Variants in C1QTNF7 observed in about 807,000 individuals in gnomAD.
The protein encoded by C1QTNF7 is C1q and TNF related 7, also known as complement C1q tumor necrosis factor-related protein 7.
In C1QTNF7, 15 loss-of-function variants were observed where a neutral mutation model predicts 19.6. The observed-to-expected ratio is 0.76, with a 90% CI of 0.51 to 1.18. The LOEUF (loss-of-function observed/expected upper bound fraction) is 1.18, where lower values mean the gene tolerates loss of function less well. Ranked by LOEUF, C1QTNF7 falls within the 50% of genes most tolerant of loss-of-function variation. The pLI, the probability that C1QTNF7 is intolerant of heterozygous loss-of-function variation, is 0.00. For synonymous variants in C1QTNF7, 142 were observed against 137.5 expected (o/e 1.03, Z -0.23); for missense variants, 324 against 359.7 (o/e 0.90, Z 0.80).
At chr4:15,364,854 C>T (rs554142599) in intron 1 of C1QTNF7, among the ~76,000 whole-genome samples, 208 of 152,208 alleles carry the variant, frequency 1.4e-3, no homozygotes, top group African/African-American at 4.6e-3. Flanking sequence ...GTTATAAATA[C>T]GTTGGGTTTG....
intron 1 of C1QTNF7, among the ~76,000 whole-genome samples, chr4:15,353,829 T>C (rs946609190): frequency 6.6e-6 from 1 of 151,264 alleles, no homozygotes; most frequent in Non-Finnish European, 1.5e-5. Context: ...AGGTGGAAAA[T>C]GAGGCTGAAA....
At chr4:15,405,736 G>A (rs1340450363) in intron 1 of C1QTNF7, among the ~76,000 whole-genome samples, 1 of 152,030 alleles carries the variant, frequency 6.6e-6, no homozygotes, top group African/African-American at 2.4e-5. Context: ...GTCCCTCTCC[G>A]GCTTCCTTCA....
intron 1 of C1QTNF7, among the ~76,000 whole-genome samples, chr4:15,401,431 G>A (rs986644750): frequency 1.3e-5 from 2 of 152,190 alleles, no homozygotes; most frequent in African/African-American, 2.4e-5. Flanking sequence ...TTAACTGAAT[G>A]CTGCAAGCCC....
At chr4:15,377,607 G>A (rs1717987100) in intron 1 of C1QTNF7, among the ~76,000 whole-genome samples, 1 of 152,148 alleles carries the variant, frequency 6.6e-6, no homozygotes, top group Non-Finnish European at 1.5e-5. Flanking sequence ...TGCCCAGACA[G>A]ATATAAGCCA....
At chr4:15,405,660 C>A (rs1392769805) in intron 1 of C1QTNF7, among the ~76,000 whole-genome samples, 1 of 152,114 alleles carries the variant, frequency 6.6e-6, no homozygotes, top group Non-Finnish European at 1.5e-5. Context: ...GTGTTTATAA[C>A]CTGGATAATA....
chr4:15,383,669 T>A (rs1052142727), intron 1 of C1QTNF7, among the ~76,000 whole-genome samples: 1 of 152,198 alleles, frequency 6.6e-6, no homozygotes, highest in African/African-American at 2.4e-5. Context: ...TCAGAAATAG[T>A]CATTCCCACC....
At chr4:15,340,597 T>C (rs1300785651) in intron 1 of C1QTNF7, among the ~76,000 whole-genome samples, 2 of 152,216 alleles carry the variant, frequency 1.3e-5, no homozygotes, top group Non-Finnish European at 2.9e-5. Context: ...GGAGCTGTGA[T>C]TCTTCTATTA....
chr4:15,435,369 C>A (rs1468342704), intron 1 of C1QTNF7, among the ~76,000 whole-genome samples: 1 of 152,070 alleles, frequency 6.6e-6, no homozygotes, highest in Non-Finnish European at 1.5e-5. Flanking sequence ...TGATGTTTAT[C>A]TTTTTCATTT....
chr4:15,355,529 C>T (rs905373767), intron 1 of C1QTNF7, among the ~76,000 whole-genome samples: 17 of 151,960 alleles, frequency 1.1e-4, no homozygotes, highest in African/African-American at 4.1e-4. Context: ...AGAGGTGGCT[C>T]AGACCACCAT....
intron 1 of C1QTNF7, among the ~76,000 whole-genome samples, chr4:15,352,488 A>G (rs1560338459): frequency 6.6e-6 from 1 of 152,160 alleles, no homozygotes; most frequent in African/African-American, 2.4e-5. Flanking sequence ...AAAATGACAA[A>G]AGCTGTGTGC....
At chr4:15,385,617 G>A (rs1718303933) in intron 1 of C1QTNF7, among the ~76,000 whole-genome samples, 1 of 152,216 alleles carries the variant, frequency 6.6e-6, no homozygotes, top group Non-Finnish European at 1.5e-5. Flanking sequence ...TCCTGGGAGA[G>A]GTGGGAAGCT....
intron 1 of C1QTNF7, among the ~76,000 whole-genome samples, chr4:15,404,802 T>A (rs575103248): frequency 9.2e-5 from 14 of 152,224 alleles, no homozygotes; most frequent in Admixed American, 4.6e-4. Flanking sequence ...AAGGAATGTC[T>A]GCACAGCACA....
chr4:15,433,770 G>A (rs374265240), intron 1 of C1QTNF7, among the ~76,000 whole-genome samples: 1 of 152,140 alleles, frequency 6.6e-6, no homozygotes, highest in South Asian at 2.1e-4. Context: ...AAAGAGCTTG[G>A]CAAGTCCCAG....
At chr4:15,350,609 T>C (rs1716903130) in intron 1 of C1QTNF7, among the ~76,000 whole-genome samples, 1 of 152,184 alleles carries the variant, frequency 6.6e-6, no homozygotes, top group African/African-American at 2.4e-5. Flanking sequence ...CACCACAAAT[T>C]CTCTATTTTG....
chr4:15,355,322 C>G (rs1717095668), intron 1 of C1QTNF7, among the ~76,000 whole-genome samples: 1 of 152,070 alleles, frequency 6.6e-6, no homozygotes, highest in African/African-American at 2.4e-5. Context: ...CTACTGCCCC[C>G]TCATCTGCTG....
intron 1 of C1QTNF7, among the ~76,000 whole-genome samples, chr4:15,363,113 C>A (rs114327995): frequency 0.01 from 1,559 of 151,790 alleles, 27 homozygotes; most frequent in African/African-American, 0.036. Flanking sequence ...TTAAAATATA[C>A]CTCATTAATT....
chr4:15,394,793 T>C (rs942934915), intron 1 of C1QTNF7, among the ~76,000 whole-genome samples: 2 of 152,180 alleles, frequency 1.3e-5, no homozygotes, highest in African/African-American at 4.8e-5. Flanking sequence ...TCTTGAACCA[T>C]AAGGCCTGGC....
At chr4:15,374,588 C>T in intron 1 of C1QTNF7, 1 of 985,438 alleles carries the variant, frequency 1.0e-6, no homozygotes, top group Non-Finnish European at 1.2e-6. Flanking sequence ...CTCTCTCTGC[C>T]ACCGCTCAAA....
chr4:15,365,050 G>C (rs1431020129), intron 1 of C1QTNF7, among the ~76,000 whole-genome samples: 1 of 152,014 alleles, frequency 6.6e-6, no homozygotes. Flanking sequence ...AGTTGAGCAG[G>C]GTTTTTCCTC....
Sources: allele counts gnomAD v4.1 joint callset (sites outside exome capture counted in the v4.1 genomes callset), GRCh38; gene constraint gnomAD v4.1.1; transcripts MANE v1.5; gene names NCBI Gene and HGNC (gene_info 2026-07-23, HGNC 2026-07-21).